Variants in RGS3 observed in about 807,000 individuals in gnomAD.
The protein encoded by RGS3 is regulator of G protein signaling 3, also known as regulator of G-protein signalling 3.
RGS3 carries 80 observed loss-of-function variants against 132.6 expected under a neutral mutation model. The observed-to-expected ratio is 0.60, with a 90% CI of 0.50 to 0.73. The LOEUF (loss-of-function observed/expected upper bound fraction) is 0.73, where lower values mean the gene tolerates loss of function less well. Among genes scored for constraint, RGS3 ranks in the 30% least tolerant of loss-of-function variants. RGS3 has a pLI of 0.00. For synonymous variants in RGS3, 598 were observed against 620.6 expected (o/e 0.96, Z 0.54); for missense variants, 1,382 against 1,530.8 (o/e 0.90, Z 1.62).
rs141630327 is a variant in RGS3 at position 113,584,322 on chromosome 9, C to T, written c.2910C>T (p.Ala970=). 1,903 of 1,601,812 alleles carry T rather than the reference C, an allele frequency of 1.2e-3. 4 individuals carry two copies. The highest frequency in any genetic ancestry group is 1.3e-3 in the Admixed American group (80 of 59,572). Residue 970 remains alanine (A), a synonymous_variant, in exon 20 of 25, where the codon GCC becomes GCT. Coordinates refer to ENST00000350696, the Ensembl canonical transcript of RGS3. ...TGCACTGCTCAGACGGTGAGGGCGCCGCCTCCACCTGGGGCATGCCTTCGC... is the reference window on the plus strand; with the variant it reads ...TGCACTGCTCAGACGGTGAGGGCGCTGCCTCCACCTGGGGCATGCCTTCGC...
At chr9:113,538,497 T>C (rs1157539462) in intron 19 of RGS3, among the ~76,000 whole-genome samples, 1 of 152,050 alleles carries the variant, frequency 6.6e-6, no homozygotes, top group Admixed American at 6.5e-5. Context: ...GCTCTCAGAG[T>C]TTGCTGACTC....
intron 16 of RGS3, among the ~76,000 whole-genome samples, chr9:113,520,656 A>T (rs1831907264): frequency 6.7e-6 from 1 of 149,218 alleles, no homozygotes; most frequent in African/African-American, 2.5e-5. Flanking sequence ...ATTTCCCTTG[A>T]GTCAGCGACA....
intron 19 of RGS3, among the ~76,000 whole-genome samples, chr9:113,580,069 C>T (rs1834716608): frequency 6.6e-6 from 1 of 152,226 alleles, no homozygotes. Flanking sequence ...CTTCCCACCC[C>T]AGCTCTCCCA....
chr9:113,594,292 T>C (rs1191950695), intron 21 of RGS3, 138 bp from the exon 20 acceptor site: 1 of 1,599,256 alleles, frequency 6.3e-7, no homozygotes, highest in Admixed American at 1.7e-5. Context: ...CCGAGGCATG[T>C]ACCTCACTCG....
chr9:113,546,821 C>G (rs1394834895), intron 19 of RGS3, among the ~76,000 whole-genome samples: 1 of 152,228 alleles, frequency 6.6e-6, no homozygotes, highest in Non-Finnish European at 1.5e-5. Flanking sequence ...GGGCTCACCT[C>G]TCACCGAGCC....
chr9:113,466,649 G>A (rs1452670370), intron 3 of RGS3, among the ~76,000 whole-genome samples: 3 of 152,032 alleles, frequency 2.0e-5, no homozygotes, highest in African/African-American at 7.2e-5. Context: ...GTCATTGTAG[G>A]TATACATAAT....
At position 113,507,770 on chromosome 9, in the gene RGS3, G is replaced by A. The variant is rs1401963052; in HGVS notation, c.1437+132G>A. ...GATGTTGGGCAAGGAGATGGGGTAT[G>A]TGCTAGCTCTGCCTTCTGCAAGGCT... On this transcript the variant is annotated intron_variant, in intron 13 of 24. Transcript: ENST00000350696. The surrounding 1 kb of genome is among the most constrained non-coding windows in gnomAD (Gnocchi z 5.0). 4.3e-6 allele frequency: 3 copies of A among 698,974 alleles called. No individual in the cohort carries two copies. The highest frequency in any genetic ancestry group is 2.9e-5 in the East Asian group (1 of 35,038). The allele number at this position is 698,974 out of a possible 1,614,324, so 43.3% of individuals were successfully genotyped here. A position where few individuals can be genotyped will look rare whatever the true frequency, so the allele number is the denominator to read the frequency against.
At chr9:113,511,401 T>TA (rs113868012) in intron 14 of RGS3, among the ~76,000 whole-genome samples, 5,868 of 141,476 alleles carry the variant, frequency 0.041, 337 homozygotes, top group African/African-American at 0.13. Flanking sequence ...TGTACTGTTC[T>TA]AAAAAAAAAA....
In RGS3 at chr9:113,526,452, G is replaced by T. The variant is rs146547977; in HGVS notation, c.1871-2769G>T. Reference sequence around the variant, plus strand: ...GGAGGGGTAGAAGTGTGACATGGTGGTCAGGACGTAGGCTCTGGAGGCAGG... The same window carrying T: ...GGAGGGGTAGAAGTGTGACATGGTGTTCAGGACGTAGGCTCTGGAGGCAGG... On this transcript the variant is annotated intron_variant, in intron 17 of 24. Transcript: ENST00000350696. Among the ~76,000 whole-genome samples, 115 of 152,326 alleles carry T rather than the reference G, an allele frequency of 7.5e-4. 1 individual carries two copies. Among genetic ancestry groups the T allele is most frequent in the African/African-American group, 2.5e-3 (103 of 41,574 alleles).
chr9:113,505,479 C>T, exon 11 of RGS3: 1 of 1,614,190 alleles, frequency 6.2e-7, no homozygotes, highest in Non-Finnish European at 8.5e-7. Context: ...TTTGGCTTCA[C>T]CATCTGCTGC....
intron 19 of RGS3, among the ~76,000 whole-genome samples, chr9:113,563,647 C>T (rs1833880110): frequency 6.6e-6 from 1 of 152,130 alleles, no homozygotes; most frequent in African/African-American, 2.4e-5. Flanking sequence ...GTTCCTAGGC[C>T]CTGCAAGGAC....
At chr9:113,478,411 C>T (rs922751343) in intron 3 of RGS3, among the ~76,000 whole-genome samples, 2 of 152,172 alleles carry the variant, frequency 1.3e-5, no homozygotes, top group African/African-American at 4.8e-5. Context: ...CTAGTCTGTT[C>T]TCTAGCAGGG....
intron 18 of RGS3, among the ~76,000 whole-genome samples, chr9:113,534,470 A>G (rs954020511): frequency 6.6e-6 from 1 of 152,192 alleles, no homozygotes; most frequent in Non-Finnish European, 1.5e-5. Context: ...ACCTATACAC[A>G]TCCTTCCATG....
At chr9:113,500,101 C>T (rs1340392032) in intron 10 of RGS3, among the ~76,000 whole-genome samples, 3 of 152,158 alleles carry the variant, frequency 2.0e-5, no homozygotes, top group Admixed American at 6.5e-5. Context: ...AGTCCTCCTG[C>T]GTGCTGGATT....
In RGS3 at chr9:113,449,899, C is replaced by T. The variant is rs963330207; in HGVS notation, c.-13+4972C>T. On this transcript the variant is annotated intron_variant, in intron 1 of 25. Transcript: ENST00000374140. ...CTGGGACTACAGGTGCCCGCCCCCACTCTTGGCTAATTTTTTTGTATTTTT... is the reference window on the plus strand; with the variant it reads ...CTGGGACTACAGGTGCCCGCCCCCATTCTTGGCTAATTTTTTTGTATTTTT... Among the ~76,000 whole-genome samples, 8 of 150,812 alleles carry T rather than the reference C, an allele frequency of 5.3e-5. No individual in the cohort carries two copies. The South Asian group carries it at 8.4e-4, about 16-fold the overall frequency.
At chr9:113,448,463 C>G (rs954429220) in intron 1 of RGS3, among the ~76,000 whole-genome samples, 14 of 152,058 alleles carry the variant, frequency 9.2e-5, no homozygotes, top group Admixed American at 2.6e-4. Flanking sequence ...TTCTTCTTCC[C>G]CCTTCTGCCT....
intron 19 of RGS3, among the ~76,000 whole-genome samples, chr9:113,566,579 C>T (rs939268166): frequency 2.0e-5 from 3 of 152,198 alleles, no homozygotes; most frequent in African/African-American, 7.2e-5. Flanking sequence ...GGATAGAGAA[C>T]TTCTGCCTCC....
intron 20 of RGS3, chr9:113,589,091 C>T (rs1835278960): frequency 6.6e-6 from 1 of 152,308 alleles, no homozygotes; most frequent in Non-Finnish European, 1.5e-5. Context: ...CTGTATGGTC[C>T]TGGACTCACC....
At chr9:113,484,212 T>C (rs1191464489) in exon 6 of RGS3, 2 of 1,610,668 alleles carry the variant, frequency 1.2e-6, no homozygotes, top group Admixed American at 1.7e-5. Flanking sequence ...GAGACCCGGC[T>C]TTCCACGAGC....
Sources: gnomAD v4.1 joint callset for allele counts (sites outside exome capture counted in the v4.1 genomes callset) on GRCh38, gnomAD v4.1.1 for gene constraint, Gnocchi (gnomAD v3.1) non-coding constraint, MANE v1.5 for transcripts, NCBI Gene and HGNC (gene_info 2026-07-23, HGNC 2026-07-21) for gene names.